FECH: variants seen among roughly 807,000 people sequenced by gnomAD.
FECH encodes the protein ferrochelatase, mitochondrial.
In FECH, 40 loss-of-function variants were observed where a neutral mutation model predicts 56.9. The observed-to-expected ratio is 0.70, with a 90% CI of 0.55 to 0.92. FECH has a LOEUF of 0.92. Among genes scored for constraint, FECH ranks in the 40% least tolerant of loss-of-function variants. The pLI, the probability that FECH is intolerant of heterozygous loss-of-function variation, is 0.00. For missense variants in FECH, 431 were observed against 529.1 expected (o/e 0.81, Z 1.82); for synonymous variants, 175 against 198.6 (o/e 0.88, Z 1.00).
chr18:57,562,393 T>C (rs1028863910), intron 6 of FECH, among the ~76,000 whole-genome samples: 2 of 152,216 alleles, frequency 1.3e-5, no homozygotes, highest in Non-Finnish European at 2.9e-5. Context: ...AAATATGAAA[T>C]TTCTTTTAAT....
At chr18:57,570,961 T>A (rs1599002558) in intron 4 of FECH, among the ~76,000 whole-genome samples, 2 of 152,350 alleles carry the variant, frequency 1.3e-5, no homozygotes, top group South Asian at 4.1e-4. Context: ...GTGGCTTCCA[T>A]GATAGCTAGC....
Position 57,547,651 on chromosome 18 carries a change from G to C in FECH, c.*3061C>G, listed in dbSNP as rs538328522. The stretch of plus-strand genomic sequence containing the variant: ...TATTTCTTTTCTTTTTTTTGGTTTT[G>C]GGACAGGGTCTTCCTCTGTCACCCA... On this transcript the variant is annotated 3_prime_UTR_variant, in exon 11 of 11. Coordinates refer to ENST00000262093, the MANE Select transcript of FECH (RefSeq NM_000140.5). Among the ~76,000 whole-genome samples, 22 of 151,444 alleles carry C rather than the reference G, an allele frequency of 1.5e-4. No individual in the cohort carries two copies. Among genetic ancestry groups the C allele is most frequent in the African/African-American group, 5.3e-4 (22 of 41,304 alleles).
At chr18:57,560,700 T>C (rs1456706764) in intron 6 of FECH, among the ~76,000 whole-genome samples, 1 of 152,198 alleles carries the variant, frequency 6.6e-6, no homozygotes, top group South Asian at 2.1e-4. Flanking sequence ...TGAGAGTTCC[T>C]TATACTATTC....
At chr18:57,572,012 T>C (rs1488944797) in intron 3 of FECH, among the ~76,000 whole-genome samples, 2 of 152,214 alleles carry the variant, frequency 1.3e-5, no homozygotes, top group African/African-American at 2.4e-5. Flanking sequence ...AACAAACTAA[T>C]TGTCCACCAT....
At chr18:57,572,961 T>G in intron 3 of FECH, 1 of 424,382 alleles carries the variant, frequency 2.4e-6, no homozygotes, top group Non-Finnish European at 4.3e-6. Flanking sequence ...AGTACAAATA[T>G]ATCTTTAAAA....
rs1477404855 is a variant in FECH, at chr18:57,554,869, G to A, written c.888C>T (p.Pro296=). 4 of 1,614,070 alleles carry A rather than the reference G, an allele frequency of 2.5e-6. No individual in the cohort carries two copies. The African/African-American group carries it at 5.3e-5, about 22-fold the overall frequency. The change falls in exon 8 of 11, where the codon CCC becomes CCT. Residue 296 remains proline, a synonymous_variant. Coordinates refer to ENST00000262093, the MANE Select transcript of FECH (RefSeq NM_000140.5). Reference sequence around the variant, plus strand: ...CCTTGGATTGCCACACCAGTCGGTAGGGGTTGCAGTACTCCAGCCTTTCCA... The same window carrying A: ...CCTTGGATTGCCACACCAGTCGGTAAGGGTTGCAGTACTCCAGCCTTTCCA... ...KVMERLEYCN[P]YRLVWQSKVG... is the part of the protein sequence containing the mutation.
Position 57,544,542 on chromosome 18 carries a change from C to CA in FECH, c.*6169dup, listed in dbSNP as rs1425541061. 6.6e-6 allele frequency among the ~76,000 whole-genome samples: 1 copy of CA among 152,246 alleles called. No individual in the cohort carries two copies. Among genetic ancestry groups the CA allele is most frequent in the Non-Finnish European group, 1.5e-5 (1 of 68,050 alleles). On this transcript the variant is annotated 3_prime_UTR_variant, in exon 11 of 11. Transcript: ENST00000262093. ...GATGTTTACCAAGCTCTCGCATCTG[C>CA]AGCCAACCTATGGTTGCAATTGATC...
Position 57,586,628 on chromosome 18 carries a change from G to A in FECH, c.-8C>T. The A allele has an allele frequency of 6.6e-7, 1 of 1,515,028 alleles. No individual in the cohort carries two copies. Among genetic ancestry groups the A allele is most frequent in the Non-Finnish European group, 8.8e-7 (1 of 1,137,938 alleles). The allele number at this position is 1,515,028 out of a possible 1,614,324, so 93.8% of individuals were successfully genotyped here. On this transcript the variant is annotated 5_prime_UTR_variant, in exon 1 of 11. Coordinates refer to ENST00000262093, the MANE Select transcript of FECH (RefSeq NM_000140.5). ...TGCGCCGAGTGAACGCATTGCCTGGGCAGCCTCGGCCCGAGTCCGGGCTCC... is the reference window on the plus strand; with the variant it reads ...TGCGCCGAGTGAACGCATTGCCTGGACAGCCTCGGCCCGAGTCCGGGCTCC...
At chr18:57,558,981 AG>A (rs2050903491) in intron 7 of FECH, among the ~76,000 whole-genome samples, 163 bp downstream of exon 7, 1 of 152,214 alleles carries the variant, frequency 6.6e-6, no homozygotes, top group Non-Finnish European at 1.5e-5. Context: ...CATTGTTACG[AG>A]GTTTTAAGAA....
intron 1 of FECH, among the ~76,000 whole-genome samples, chr18:57,585,304 T>G (rs1363733414): frequency 2.6e-5 from 4 of 152,214 alleles, no homozygotes; most frequent in Admixed American, 2.0e-4. Flanking sequence ...TCAAAGTCTG[T>G]AACACAAATA....
intron 1 of FECH, among the ~76,000 whole-genome samples, chr18:57,582,837 G>A (rs1471036686): frequency 1.3e-5 from 2 of 151,106 alleles, no homozygotes; most frequent in Non-Finnish European, 3.0e-5. Context: ...ACATGAACCC[G>A]GGAGGTGGAG....
chr18:57,584,325 CAAAAAAA>C (rs11383428), intron 1 of FECH, among the ~76,000 whole-genome samples: 4 of 99,884 alleles, frequency 4.0e-5, no homozygotes, highest in Non-Finnish European at 7.7e-5. Context: ...GACTCGGTCT[CAAAAAAA>C]AAAAAAAAAA....
intron 6 of FECH, among the ~76,000 whole-genome samples, chr18:57,560,708 T>G (rs139784238): frequency 4.3e-4 from 66 of 152,310 alleles, no homozygotes; most frequent in Middle Eastern, 3.4e-3. Context: ...CCTTATACTA[T>G]TCTTAATCTT....
At chr18:57,573,439 C>T in intron 2 of FECH, 74 bp from the exon 3 acceptor site, 1 of 1,545,930 alleles carries the variant, frequency 6.5e-7, no homozygotes. Flanking sequence ...TTGGTTCAGC[C>T]AGCAAACTCT....
rs953907497 is a variant in FECH at position 57,545,714 on chromosome 18, C to T, written c.*4998G>A. The stretch of plus-strand genomic sequence containing the variant: ...TGGCTGAGTGCTATATAGCTCTACA[C>T]ACTTTATATTTTGCAAAATACGTGC... On this transcript the variant is annotated 3_prime_UTR_variant, in exon 11 of 11. Transcript: ENST00000262093. 2.0e-5 allele frequency among the ~76,000 whole-genome samples: 3 copies of T among 152,162 alleles called. No individual in the cohort carries two copies. Among genetic ancestry groups the T allele is most frequent in the African/African-American group, 7.2e-5 (3 of 41,432 alleles).
chr18:57,561,704 G>C (rs544013057), intron 6 of FECH, among the ~76,000 whole-genome samples: 1 of 152,266 alleles, frequency 6.6e-6, no homozygotes, highest in East Asian at 1.9e-4. Flanking sequence ...TTACTCACTT[G>C]ATCAGGGCAG....
At chr18:57,555,780 G>C (rs2050859812) in intron 7 of FECH, among the ~76,000 whole-genome samples, 2 of 152,106 alleles carry the variant, frequency 1.3e-5, no homozygotes, top group South Asian at 4.1e-4. Flanking sequence ...CCTATGATAT[G>C]GCTGGAAACA....
In FECH at chr18:57,554,201, A is replaced by G. The variant is rs187959602; in HGVS notation, c.1077+59T>C. 4.9e-5 allele frequency: 77 copies of G among 1,585,442 alleles called. No individual in the cohort carries two copies. In the Admixed American group the frequency reaches 1.3e-3, roughly 26 times the overall value. ...TCTGAATGATACATTAGTTAGTTGCAGAAAAAATTTCCTTTTAAAACAAGT... is the reference window on the plus strand; with the variant it reads ...TCTGAATGATACATTAGTTAGTTGCGGAAAAAATTTCCTTTTAAAACAAGT... On this transcript the variant is annotated intron_variant, in intron 9 of 10. Transcript: ENST00000262093.
intron 6 of FECH, among the ~76,000 whole-genome samples, chr18:57,559,674 T>C (rs1051674001): frequency 3.3e-5 from 5 of 152,236 alleles, no homozygotes; most frequent in Non-Finnish European, 7.3e-5. Flanking sequence ...CCACATTAAA[T>C]ACATTAGTCA....
Sources: allele counts gnomAD v4.1 joint callset (sites outside exome capture counted in the v4.1 genomes callset), GRCh38; gene constraint gnomAD v4.1.1; transcripts MANE v1.5; gene names NCBI Gene and HGNC (gene_info 2026-07-23, HGNC 2026-07-21).